The following DGKI variants were observed in gnomAD, a reference collection of about 807,000 sequenced individuals.
DGKI encodes the protein DAG kinase iota.
In DGKI, 55 loss-of-function variants were observed where a neutral mutation model predicts 147.5. That is an observed-to-expected ratio of 0.37 (90% CI 0.30 to 0.47). DGKI has a LOEUF of 0.47. Among genes scored for constraint, DGKI ranks in the 20% least tolerant of loss-of-function variants. DGKI has a pLI of 1.00. For missense variants in DGKI, 1,007 were observed against 1,323.8 expected (o/e 0.76, Z 3.71); for synonymous variants, 469 against 477.1 (o/e 0.98, Z 0.22).
chr7:137,431,884 T>C (rs936410880), intron 28 of DGKI, among the ~76,000 whole-genome samples: 1 of 152,208 alleles, frequency 6.6e-6, no homozygotes, highest in African/African-American at 2.4e-5. Flanking sequence ...ATGATACAAG[T>C]TGATACGGTT....
chr7:137,784,047 C>A (rs140231225), intron 1 of DGKI, among the ~76,000 whole-genome samples: 2,373 of 152,150 alleles, frequency 0.016, 69 homozygotes, highest in African/African-American at 0.054. Context: ...ACCTATATAA[C>A]AATAACACAG....
chr7:137,586,728 G>A (rs569350096), intron 13 of DGKI, among the ~76,000 whole-genome samples: 1 of 152,142 alleles, frequency 6.6e-6, no homozygotes, highest in South Asian at 2.1e-4. Flanking sequence ...GTGTAAAGTT[G>A]AACCAGATGT....
intron 6 of DGKI, among the ~76,000 whole-genome samples, chr7:137,635,285 C>T (rs1821270668): frequency 6.6e-6 from 1 of 152,160 alleles, no homozygotes; most frequent in Non-Finnish European, 1.5e-5. Context: ...TGCTGAATTT[C>T]TAACCTGCCA....
intron 21 of DGKI, 139 bp from the exon 22 acceptor site, chr7:137,487,828 A>T: frequency 1.4e-6 from 1 of 717,386 alleles, no homozygotes; most frequent in Non-Finnish European, 2.3e-6. Context: ...AGAAAGAAGT[A>T]CTTTCTCCCT....
At chr7:137,727,568 A>G (rs1210889607) in intron 1 of DGKI, among the ~76,000 whole-genome samples, 1 of 152,186 alleles carries the variant, frequency 6.6e-6, no homozygotes, top group Non-Finnish European at 1.5e-5. Flanking sequence ...CTATTTACAT[A>G]ATGACAAGAG....
intron 27 of DGKI, among the ~76,000 whole-genome samples, chr7:137,459,470 AT>A (rs68045398): frequency 5.2e-3 from 560 of 107,472 alleles, no homozygotes; most frequent in Middle Eastern, 0.024. Context: ...AATTTTTTAA[AT>A]TTTTTTTTTT....
chr7:137,551,899 G>A (rs1023486933), intron 20 of DGKI, among the ~76,000 whole-genome samples: 3 of 152,110 alleles, frequency 2.0e-5, no homozygotes, highest in African/African-American at 7.2e-5. Context: ...TTCACTGGCA[G>A]GCAGAAAGAG....
At chr7:137,414,220 C>T (rs1169001349) in intron 28 of DGKI, among the ~76,000 whole-genome samples, 2 of 152,094 alleles carry the variant, frequency 1.3e-5, no homozygotes, top group Non-Finnish European at 2.9e-5. Flanking sequence ...ACTCACTGCC[C>T]CTGGGCTGAG....
chr7:137,430,564 A>G (rs1046584640), intron 28 of DGKI, among the ~76,000 whole-genome samples: 1 of 151,988 alleles, frequency 6.6e-6, no homozygotes, highest in Non-Finnish European at 1.5e-5. Flanking sequence ...TAATAATAAA[A>G]TAAAAAATAA....
chr7:137,568,931 C>A (rs191258638), intron 19 of DGKI, among the ~76,000 whole-genome samples: 10,682 of 148,496 alleles, frequency 0.072, 416 homozygotes, highest in South Asian at 0.14. Context: ...AAAAAAAAAA[C>A]ACCCATACCA....
intron 1 of DGKI, among the ~76,000 whole-genome samples, chr7:137,794,499 C>T (rs753825469): frequency 6.6e-6 from 1 of 152,228 alleles, no homozygotes; most frequent in Non-Finnish European, 1.5e-5. Context: ...ATGCTACAGG[C>T]ATGTATTTAT....
intron 1 of DGKI, among the ~76,000 whole-genome samples, chr7:137,764,498 C>A (rs779540086): frequency 6.4e-4 from 98 of 152,148 alleles, no homozygotes; most frequent in Admixed American, 1.2e-3. Flanking sequence ...TCATTTCGTT[C>A]ATTTCCACCC....
intron 28 of DGKI, among the ~76,000 whole-genome samples, chr7:137,439,402 C>T (rs895887304): frequency 2.0e-5 from 3 of 152,180 alleles, no homozygotes; most frequent in African/African-American, 7.2e-5. Context: ...GCCTCACAAT[C>T]ATGGCGGAAG....
At chr7:137,749,443 G>T (rs761094128) in intron 1 of DGKI, among the ~76,000 whole-genome samples, 3 of 152,066 alleles carry the variant, frequency 2.0e-5, no homozygotes, top group African/African-American at 7.2e-5. Flanking sequence ...TTCCCACCTT[G>T]CTCCCCTAGC....
chr7:137,786,541 G>A (rs1796674512), intron 1 of DGKI, among the ~76,000 whole-genome samples: 1 of 151,778 alleles, frequency 6.6e-6, no homozygotes. Context: ...TGACCACACT[G>A]CCAAAAAAAA....
chr7:137,491,580 T>C (rs944073163), intron 21 of DGKI, among the ~76,000 whole-genome samples: 1 of 152,236 alleles, frequency 6.6e-6, no homozygotes, highest in Non-Finnish European at 1.5e-5. Flanking sequence ...CTTCCTATCC[T>C]GATAAATATT....
chr7:137,608,582 T>A (rs1367048724), intron 10 of DGKI, among the ~76,000 whole-genome samples: 1 of 152,144 alleles, frequency 6.6e-6, no homozygotes, highest in African/African-American at 2.4e-5. Flanking sequence ...AGTGGTTGTA[T>A]CTAAATTGCA....
At chr7:137,789,700 C>T (rs1796790260) in intron 1 of DGKI, among the ~76,000 whole-genome samples, 1 of 152,172 alleles carries the variant, frequency 6.6e-6, no homozygotes, top group Non-Finnish European at 1.5e-5. Flanking sequence ...CTTGCCTGGA[C>T]AAGAACCACA....
At chr7:137,835,937 C>T (rs987455217) in intron 1 of DGKI, among the ~76,000 whole-genome samples, 4 of 152,188 alleles carry the variant, frequency 2.6e-5, no homozygotes, top group African/African-American at 9.7e-5. Flanking sequence ...CGCTTAGCTA[C>T]TGTGACTGTT....
Sources: gnomAD v4.1 joint callset for allele counts (sites outside exome capture counted in the v4.1 genomes callset) on GRCh38, gnomAD v4.1.1 for gene constraint, MANE v1.5 for transcripts, NCBI Gene and HGNC (gene_info 2026-07-23, HGNC 2026-07-21) for gene names.